MAP4K5: variants seen among roughly 807,000 people sequenced by gnomAD.
MAP4K5 encodes mitogen-activated protein kinase kinase kinase kinase 5.
In MAP4K5, 82 loss-of-function variants were observed where a neutral mutation model predicts 135.6. That is an observed-to-expected ratio of 0.60 (90% CI 0.51 to 0.73). The LOEUF (loss-of-function observed/expected upper bound fraction) is 0.73. MAP4K5 is among the 30% of genes least tolerant of loss of function. The pLI is 0.00. For missense variants in MAP4K5, 907 were observed against 1,010.9 expected, an observed-to-expected ratio of 0.90 and a Z score of 1.39; for synonymous variants, 347 against 335.0, an observed-to-expected ratio of 1.04 and a Z score of -0.39.
At chr14:50,492,601 A>G (rs909537522) in intron 3 of MAP4K5, among the ~76,000 whole-genome samples, 22 of 151,860 alleles carry the variant, frequency 1.4e-4, no homozygotes, top group Non-Finnish European at 3.1e-4. Context: ...CAAAAAAAAA[A>G]AAAAAAAATT....
intron 1 of MAP4K5, among the ~76,000 whole-genome samples, chr14:50,542,980 C>T (rs909012273): frequency 7.2e-5 from 11 of 152,164 alleles, no homozygotes; most frequent in African/African-American, 2.4e-4. Context: ...ATAAGGAAGT[C>T]AGTGGGAGAA....
chr14:50,559,182 T>C (rs1192484077), intron 1 of MAP4K5: 1 of 152,036 alleles, frequency 6.6e-6, no homozygotes, highest in East Asian at 1.9e-4. Flanking sequence ...GCGTGAGGAG[T>C]TGCTTACCAT....
At chr14:50,473,716 CTTT>C (rs398077753) in intron 9 of MAP4K5, among the ~76,000 whole-genome samples, 1 of 95,502 alleles carries the variant, frequency 1.0e-5, no homozygotes, top group Non-Finnish European at 1.9e-5. Flanking sequence ...TTTGGTTTCA[CTTT>C]TTTTTTTTTT....
In MAP4K5 at chr14:50,436,074, T is replaced by C. The variant is rs17122527; in HGVS notation, c.1883-1009A>G. The stretch of plus-strand genomic sequence containing the variant: ...TGGACTATGCTGTGAAACTATTATG[T>C]GGCACAAAGATCAATGTGTAAATTC... On this transcript the variant is annotated intron_variant, in intron 26 of 32. Transcript: ENST00000682126. 1.0e-2 allele frequency among the ~76,000 whole-genome samples: 1,518 copies of C among 152,274 alleles called. 62 individuals carry two copies. The highest frequency in any genetic ancestry group is 0.08 in the Admixed American group (1,230 of 15,280).
At chr14:50,518,338 T>C (rs1032445124) in intron 2 of MAP4K5, among the ~76,000 whole-genome samples, 1 of 152,128 alleles carries the variant, frequency 6.6e-6, no homozygotes. Flanking sequence ...CATAGGTATA[T>C]GTGTGCCATG....
chr14:50,430,768 CTT>C (rs2035951285), intron 28 of MAP4K5, among the ~76,000 whole-genome samples: 1 of 152,134 alleles, frequency 6.6e-6, no homozygotes. Context: ...TTTCTAAGCT[CTT>C]TATGTCCTAA....
chr14:50,466,315 G>C (rs1208822687), intron 11 of MAP4K5, among the ~76,000 whole-genome samples: 1 of 146,396 alleles, frequency 6.8e-6, no homozygotes. Context: ...CCAGGAGTTT[G>C]AGGTTGCAGT....
At chr14:50,432,008 G>A (rs942262634) in intron 28 of MAP4K5, among the ~76,000 whole-genome samples, 1 of 152,174 alleles carries the variant, frequency 6.6e-6, no homozygotes, top group African/African-American at 2.4e-5. Context: ...TATACATGGT[G>A]AAGAATCCAT....
chr14:50,439,180 GC>G (rs571051559), intron 23 of MAP4K5, among the ~76,000 whole-genome samples: 50 of 151,758 alleles, frequency 3.3e-4, no homozygotes, highest in African/African-American at 1.1e-3. Flanking sequence ...AGTGTTATTA[GC>G]TCAAATATAC....
intron 3 of MAP4K5, among the ~76,000 whole-genome samples, chr14:50,489,622 T>C (rs1458557925): frequency 2.0e-5 from 3 of 152,190 alleles, no homozygotes; most frequent in African/African-American, 7.2e-5. Context: ...ACCAGTCTGA[T>C]CATAGCCCTC....
chr14:50,443,155 T>C (rs1327867063), intron 20 of MAP4K5, among the ~76,000 whole-genome samples: 1 of 152,158 alleles, frequency 6.6e-6, no homozygotes, highest in African/African-American at 2.4e-5. Flanking sequence ...TTCAGTAACA[T>C]TATAGTGATT....
At position 50,508,957 on chromosome 14, in the gene MAP4K5, A is replaced by G. The variant is rs548062831; in HGVS notation, c.109-4100T>C. Among the ~76,000 whole-genome samples the G allele has an allele frequency of 2.0e-3, 301 of 152,302 alleles. 4 individuals carry two copies. Among genetic ancestry groups the G allele is most frequent in the Admixed American group, 0.017 (253 of 15,298 alleles). On this transcript the variant is annotated intron_variant, in intron 2 of 32. Coordinates refer to ENST00000682126, the MANE Select transcript of MAP4K5 (RefSeq NM_006575.6). ...GTATGTTTATTGTGGCACTATTCAC[A>G]ATAGTAAAGACTTGGAACCAACCCA...
chr14:50,528,819 T>C (rs771999905), intron 2 of MAP4K5, among the ~76,000 whole-genome samples: 4 of 152,142 alleles, frequency 2.6e-5, no homozygotes, highest in Non-Finnish European at 1.5e-5. Context: ...TGAAAATACT[T>C]CTAAAACGTC....
intron 2 of MAP4K5, among the ~76,000 whole-genome samples, chr14:50,511,495 T>A (rs1357858573): frequency 6.6e-6 from 1 of 152,180 alleles, no homozygotes; most frequent in Non-Finnish European, 1.5e-5. Flanking sequence ...TGTTCTATAC[T>A]ACTACTACAG....
chr14:50,548,250 A>C (rs1358972979), intron 1 of MAP4K5, among the ~76,000 whole-genome samples: 1 of 152,180 alleles, frequency 6.6e-6, no homozygotes, highest in Non-Finnish European at 1.5e-5. Flanking sequence ...GGGCTACTGG[A>C]GGATATTCAT....
rs928068245 is a variant in MAP4K5, at chr14:50,419,985, C to A, written c.*34G>T. ...ATTTTTCCTTTCAATGGAGTATATT[C>A]ATTTTCCTGTCATTTGAGATCAGTT... On this transcript the variant is annotated 3_prime_UTR_variant, in exon 33 of 33. Coordinates refer to ENST00000682126, the MANE Select transcript of MAP4K5 (RefSeq NM_006575.6). 2.1e-6 allele frequency: 3 copies of A among 1,429,620 alleles called. No individual in the cohort carries two copies. The highest frequency in any genetic ancestry group is 2.9e-6 in the Non-Finnish European group (3 of 1,025,152). 88.6% of individuals were successfully genotyped at this position (1,429,620 alleles called of 1,614,324 possible).
intron 6 of MAP4K5, among the ~76,000 whole-genome samples, chr14:50,481,875 C>G (rs2037250725): frequency 1.3e-5 from 2 of 152,210 alleles, no homozygotes; most frequent in African/African-American, 4.8e-5. Context: ...TTTCAGATAA[C>G]ACCTTGAGTT....
chr14:50,529,217 T>C (rs1001006500), intron 2 of MAP4K5, among the ~76,000 whole-genome samples: 1 of 150,854 alleles, frequency 6.6e-6, no homozygotes. Context: ...ACCTCCTCTC[T>C]ACTAAAAAAA....
chr14:50,502,423 T>C (rs1320140477), intron 3 of MAP4K5, among the ~76,000 whole-genome samples: 1 of 152,084 alleles, frequency 6.6e-6, no homozygotes, highest in Non-Finnish European at 1.5e-5. Flanking sequence ...TAAATATCTA[T>C]AATAACCAAT....
Sources: allele counts gnomAD v4.1 joint callset (sites outside exome capture counted in the v4.1 genomes callset), GRCh38; gene constraint gnomAD v4.1.1; transcripts MANE v1.5; gene names NCBI Gene and HGNC (gene_info 2026-07-23, HGNC 2026-07-21).